CDH12: variants seen among roughly 807,000 people sequenced by gnomAD.
The protein encoded by CDH12 is cadherin-12.
CDH12 carries 41 observed loss-of-function variants against 74.1 expected under a neutral mutation model. That is an observed-to-expected ratio of 0.55 (90% CI 0.43 to 0.72). The LOEUF (loss-of-function observed/expected upper bound fraction) is 0.72. CDH12 is among the 30% of genes least tolerant of loss of function. CDH12 has a pLI of 0.00. For synonymous variants in CDH12, 399 were observed against 355.0 expected, an observed-to-expected ratio of 1.12 and a Z score of -1.39; for missense variants, 945 against 977.2, an observed-to-expected ratio of 0.97 and a Z score of 0.44.
intron 2 of CDH12, among the ~76,000 whole-genome samples, chr5:22,481,612 T>C (rs1746388239): frequency 6.6e-6 from 1 of 152,212 alleles, no homozygotes; most frequent in Non-Finnish European, 1.5e-5. Flanking sequence ...GGAAAAATGC[T>C]GCATCTTCCA....
At chr5:22,430,236 A>C (rs1176740160) in intron 2 of CDH12, among the ~76,000 whole-genome samples, 1 of 152,150 alleles carries the variant, frequency 6.6e-6, no homozygotes, top group Non-Finnish European at 1.5e-5. Flanking sequence ...TGTTCAAATT[A>C]GTAGTGCTTT....
chr5:22,091,502 AAAG>A (rs759891595), intron 4 of CDH12, among the ~76,000 whole-genome samples: 3 of 151,914 alleles, frequency 2.0e-5, no homozygotes, highest in Non-Finnish European at 4.4e-5. Context: ...AAACCTAACA[AAAG>A]AAGTGAAAAA....
chr5:22,392,505 A>ATAT (rs1191062412), intron 3 of CDH12, among the ~76,000 whole-genome samples: 1 of 152,192 alleles, frequency 6.6e-6, no homozygotes, highest in African/African-American at 2.4e-5. Context: ...GGTTAAATTA[A>ATAT]TATTATTAAC....
chr5:22,063,501 A>G (rs1298376313), intron 5 of CDH12, among the ~76,000 whole-genome samples: 1 of 151,998 alleles, frequency 6.6e-6, no homozygotes, highest in East Asian at 1.9e-4. Flanking sequence ...GATTGGTTCT[A>G]CCCCTTTAAT....
intron 1 of CDH12, among the ~76,000 whole-genome samples, chr5:22,712,592 T>G (rs1743345596): frequency 6.6e-6 from 1 of 152,188 alleles, no homozygotes; most frequent in Non-Finnish European, 1.5e-5. Context: ...TGAAAATAAC[T>G]AATTGTTTTA....
chr5:21,995,820 A>T (rs1244545754), intron 5 of CDH12, among the ~76,000 whole-genome samples: 1 of 152,054 alleles, frequency 6.6e-6, no homozygotes, highest in Admixed American at 6.6e-5. Flanking sequence ...ATTGCATAAA[A>T]AAAAGCCCAC....
At chr5:22,144,806 C>T (rs185959037) in intron 4 of CDH12, among the ~76,000 whole-genome samples, 12 of 151,748 alleles carry the variant, frequency 7.9e-5, no homozygotes, top group South Asian at 2.1e-4. Flanking sequence ...AAATTCAAAC[C>T]GTATGTATTG....
intron 5 of CDH12, among the ~76,000 whole-genome samples, chr5:22,059,043 G>GT (rs1437777310): frequency 7.9e-5 from 12 of 151,926 alleles, no homozygotes; most frequent in South Asian, 2.1e-4. Flanking sequence ...AAAACATTCA[G>GT]TTTTTTTTAT....
intron 1 of CDH12, among the ~76,000 whole-genome samples, chr5:22,591,087 C>T (rs72746624): frequency 0.078 from 11,888 of 152,142 alleles, 645 homozygotes; most frequent in Non-Finnish European, 0.12. Context: ...CTCCAGCCTC[C>T]CCGTTAATGC....
chr5:22,811,150 CAT>C (rs560653431), intron 1 of CDH12, among the ~76,000 whole-genome samples: 4 of 150,996 alleles, frequency 2.6e-5, no homozygotes, highest in African/African-American at 4.9e-5. Flanking sequence ...TCCAAATATA[CAT>C]ATATATATAC....
chr5:22,596,057 G>T (rs1379364260), intron 1 of CDH12, among the ~76,000 whole-genome samples: 1 of 150,198 alleles, frequency 6.7e-6, no homozygotes, highest in Non-Finnish European at 1.5e-5. Context: ...GCAGTGAGCC[G>T]AGATCACGCC....
chr5:22,563,149 G>A (rs1056376996), intron 1 of CDH12, among the ~76,000 whole-genome samples: 5 of 150,438 alleles, frequency 3.3e-5, no homozygotes, highest in East Asian at 1.9e-4. Context: ...TCTAGCAGAC[G>A]GAATCAAGGA....
intron 1 of CDH12, among the ~76,000 whole-genome samples, chr5:22,698,355 A>C (rs1214362592): frequency 2.0e-5 from 3 of 151,370 alleles, no homozygotes; most frequent in African/African-American, 7.3e-5. Flanking sequence ...TCCTGACCTC[A>C]AGTAATCCGC....
chr5:22,339,589 A>G (rs1739754225), intron 3 of CDH12, among the ~76,000 whole-genome samples: 1 of 152,230 alleles, frequency 6.6e-6, no homozygotes, highest in Admixed American at 6.5e-5. Flanking sequence ...CCTAGAGGAA[A>G]TCAGATCCAG....
intron 1 of CDH12, among the ~76,000 whole-genome samples, chr5:22,643,055 A>T (rs1176751159): frequency 1.3e-5 from 2 of 152,164 alleles, no homozygotes; most frequent in African/African-American, 4.8e-5. Context: ...TTTTGTATTG[A>T]TGCTTAAATC....
intron 1 of CDH12, among the ~76,000 whole-genome samples, chr5:22,593,638 G>A (rs1369220711): frequency 6.6e-6 from 1 of 152,008 alleles, no homozygotes; most frequent in East Asian, 1.9e-4. Flanking sequence ...TATTTTGGTT[G>A]AAAATGGTCA....
At chr5:21,951,432 G>C (rs1485862996) in intron 6 of CDH12, among the ~76,000 whole-genome samples, 2 of 151,714 alleles carry the variant, frequency 1.3e-5, no homozygotes, top group African/African-American at 4.9e-5. Context: ...ACTTTTAGTA[G>C]AGACAGGGTT....
At chr5:22,086,645 C>T (rs1285904491) in intron 4 of CDH12, among the ~76,000 whole-genome samples, 2 of 152,114 alleles carry the variant, frequency 1.3e-5, no homozygotes, top group East Asian at 3.9e-4. Flanking sequence ...GCGTGAGCCA[C>T]CGTGCCCGGC....
At chr5:22,264,068 G>A (rs1246466676) in intron 3 of CDH12, among the ~76,000 whole-genome samples, 2 of 150,242 alleles carry the variant, frequency 1.3e-5, no homozygotes. Context: ...CTATATGTAT[G>A]TATTTATTTA....
Sources: allele counts gnomAD v4.1 joint callset (sites outside exome capture counted in the v4.1 genomes callset), GRCh38; gene constraint gnomAD v4.1.1; transcripts MANE v1.5; gene names NCBI Gene and HGNC (gene_info 2026-07-23, HGNC 2026-07-21).